TXNDC16: variants seen among roughly 807,000 people sequenced by gnomAD.
The protein encoded by TXNDC16 is thioredoxin domain containing 16, also known as thioredoxin domain-containing protein 16.
TXNDC16 carries 74 observed loss-of-function variants against 85.6 expected under a neutral mutation model. The ratio of observed to expected loss-of-function variants is 0.86; its 90% CI spans 0.72 to 1.05. The LOEUF is 1.05. Among genes scored for constraint, TXNDC16 ranks in the 50% least tolerant of loss-of-function variants. The probability of loss-of-function intolerance (pLI) is 0.00; values close to 1 mark genes in which losing one functional copy is unlikely to be tolerated. For missense variants in TXNDC16, 959 were observed against 947.0 expected, an observed-to-expected ratio of 1.01 and a Z score of -0.17; for synonymous variants, 335 against 326.5, an observed-to-expected ratio of 1.03 and a Z score of -0.28.
intron 6 of TXNDC16, among the ~76,000 whole-genome samples, chr14:52,530,269 T>TAATATATATTATTATATAATAATATA (rs1178479076): frequency 7.0e-5 from 4 of 56,790 alleles, no homozygotes; most frequent in East Asian, 9.5e-4. Context: ...ATAATATATA[T>TAATATATATTATTATATAATAATATA]TATTATTTAA....
intron 8 of TXNDC16, 135 bp downstream of exon 8, chr14:52,514,745 A>T (rs985133560): frequency 4.9e-6 from 3 of 611,178 alleles, no homozygotes; most frequent in Non-Finnish European, 5.7e-6. Context: ...GGTTTCATTT[A>T]TATATTCACA....
chr14:52,540,484 G>C (rs189319399), intron 4 of TXNDC16, among the ~76,000 whole-genome samples: 1 of 151,974 alleles, frequency 6.6e-6, no homozygotes, highest in East Asian at 1.9e-4. Flanking sequence ...AATTAGCCAG[G>C]CATGGTGGCA....
chr14:52,509,907 G>C (rs2036914690), intron 9 of TXNDC16, among the ~76,000 whole-genome samples: 2 of 151,982 alleles, frequency 1.3e-5, no homozygotes, highest in South Asian at 4.1e-4. Context: ...CGTGAACCCA[G>C]GAGGAGGAGC....
chr14:52,519,971 A>G (rs370826704), intron 6 of TXNDC16, among the ~76,000 whole-genome samples: 5 of 152,170 alleles, frequency 3.3e-5, no homozygotes, highest in African/African-American at 1.2e-4. Context: ...CACCTTTCTC[A>G]TTAAACCCTC....
chr14:52,476,092 C>T (rs550708071), intron 14 of TXNDC16, among the ~76,000 whole-genome samples: 14 of 152,276 alleles, frequency 9.2e-5, no homozygotes, highest in East Asian at 3.9e-4. Flanking sequence ...ATCACTACAG[C>T]TCGGCTCTCA....
intron 7 of TXNDC16, 30 bp from the exon 8 acceptor site, chr14:52,515,000 C>A: frequency 1.3e-6 from 2 of 1,551,220 alleles, no homozygotes; most frequent in Non-Finnish European, 8.8e-7. Flanking sequence ...AGTTGGAAGA[C>A]AGGAAAAAAT....
chr14:52,507,577 T>C (rs1223971700), intron 9 of TXNDC16, among the ~76,000 whole-genome samples: 1 of 152,194 alleles, frequency 6.6e-6, no homozygotes, highest in Non-Finnish European at 1.5e-5. Flanking sequence ...TAAGTTCATA[T>C]GGAACCAAAA....
chr14:52,440,961 T>G (rs936145936), intron 18 of TXNDC16, among the ~76,000 whole-genome samples: 1 of 152,188 alleles, frequency 6.6e-6, no homozygotes, highest in Non-Finnish European at 1.5e-5. Context: ...TGAGAATAAA[T>G]TAATTTAAAG....
Position 52,519,061 on chromosome 14 carries a change from A to C in TXNDC16, c.514+111T>G. On this transcript the variant is annotated intron_variant, in intron 7 of 20. Coordinates refer to ENST00000281741, the MANE Select transcript of TXNDC16 (RefSeq NM_020784.3). ...AATAGCTTAATAGTAAAGATGCTTTAGATTTATTTTAAATATTACGACTGT... is the reference window on the plus strand; with the variant it reads ...AATAGCTTAATAGTAAAGATGCTTTCGATTTATTTTAAATATTACGACTGT... 4 of 1,120,760 alleles carry C rather than the reference A, an allele frequency of 3.6e-6. No individual in the cohort carries two copies. In the East Asian group the frequency reaches 9.9e-5, roughly 28 times the overall value. 69.4% of individuals were successfully genotyped at this position (1,120,760 alleles called of 1,614,324 possible).
chr14:52,545,061 T>A (rs1296247487), intron 1 of TXNDC16, among the ~76,000 whole-genome samples: 1 of 152,160 alleles, frequency 6.6e-6, no homozygotes, highest in African/African-American at 2.4e-5. Flanking sequence ...AATAACTATG[T>A]AACATTCATT....
intron 17 of TXNDC16, among the ~76,000 whole-genome samples, 177 bp downstream of exon 17, chr14:52,456,913 T>C (rs1187788693): frequency 1.3e-5 from 2 of 152,092 alleles, no homozygotes; most frequent in East Asian, 3.9e-4. Context: ...AATAAAAGAA[T>C]AGCTAAAGAA....
chr14:52,452,808 G>A (rs2035442138), intron 18 of TXNDC16, among the ~76,000 whole-genome samples: 1 of 152,032 alleles, frequency 6.6e-6, no homozygotes, highest in African/African-American at 2.4e-5. Context: ...ACAGGCACAG[G>A]CAACCACAGC....
intron 6 of TXNDC16, among the ~76,000 whole-genome samples, chr14:52,532,594 G>A (rs753707959): frequency 1.3e-5 from 2 of 151,864 alleles, no homozygotes; most frequent in Admixed American, 6.6e-5. Context: ...CCGCCACCAC[G>A]CCCGGCTAAT....
At chr14:52,492,274 T>A (rs974831269) in intron 9 of TXNDC16, among the ~76,000 whole-genome samples, 1 of 152,118 alleles carries the variant, frequency 6.6e-6, no homozygotes, top group African/African-American at 2.4e-5. Flanking sequence ...TTGTCCTCAA[T>A]TGGAATTTGT....
intron 10 of TXNDC16, 94 bp from the exon 11 acceptor site, chr14:52,490,545 C>G (rs373910902): frequency 1.0e-6 from 1 of 982,156 alleles, no homozygotes; most frequent in Non-Finnish European, 1.5e-6. Flanking sequence ...CATTCTTATA[C>G]TAAAAATTAT....
chr14:52,488,322 C>A, intron 12 of TXNDC16, 41 bp downstream of exon 12: 1 of 1,605,570 alleles, frequency 6.2e-7, no homozygotes. Context: ...TTTATGGGTG[C>A]TGGGCAGGAT....
intron 14 of TXNDC16, among the ~76,000 whole-genome samples, chr14:52,481,588 A>C (rs1306385631): frequency 6.6e-6 from 1 of 152,166 alleles, no homozygotes; most frequent in African/African-American, 2.4e-5. Flanking sequence ...CACACTACCT[A>C]ACCATAAGGA....
intron 7 of TXNDC16, among the ~76,000 whole-genome samples, chr14:52,518,182 G>T (rs748891228): frequency 3.3e-5 from 5 of 152,016 alleles, no homozygotes; most frequent in Non-Finnish European, 7.3e-5. Flanking sequence ...TATCTAATAG[G>T]TTCAGTCTTC....
At chr14:52,526,947 C>A (rs1241624826) in intron 6 of TXNDC16, among the ~76,000 whole-genome samples, 1 of 152,224 alleles carries the variant, frequency 6.6e-6, no homozygotes, top group Non-Finnish European at 1.5e-5. Context: ...TAGCAAAATG[C>A]ACAGAAGTTC....
Sources: allele counts gnomAD v4.1 joint callset (sites outside exome capture counted in the v4.1 genomes callset), GRCh38; gene constraint gnomAD v4.1.1; transcripts MANE v1.5; gene names NCBI Gene and HGNC (gene_info 2026-07-23, HGNC 2026-07-21).